Variants in PARD3 observed in about 807,000 individuals in gnomAD.
PARD3 encodes par-3 family cell polarity regulator.
Under a neutral mutation model 155.4 loss-of-function variants are expected in PARD3, and 75 were observed. The ratio of observed to expected loss-of-function variants is 0.48; its 90% confidence interval spans 0.40 to 0.58. The LOEUF (loss-of-function observed/expected upper bound fraction) is 0.58, where lower values mean the gene tolerates loss of function less well. Among genes scored for constraint, PARD3 ranks in the 20% least tolerant of loss-of-function variants. The pLI, the probability that PARD3 is intolerant of heterozygous loss-of-function variation, is 0.00. For synonymous variants in PARD3, 576 were observed against 610.5 expected (o/e 0.94, Z 0.83); for missense variants, 1,642 against 1,721.7 (o/e 0.95, Z 0.82).
intron 22 of PARD3, among the ~76,000 whole-genome samples, chr10:34,189,721 C>G (rs957607332): frequency 6.6e-6 from 1 of 152,194 alleles, no homozygotes; most frequent in Non-Finnish European, 1.5e-5. Context: ...GAACTAGCCA[C>G]CTGCTTCACA....
chr10:34,113,376 T>C (rs1946491793), intron 24 of PARD3, among the ~76,000 whole-genome samples: 1 of 152,076 alleles, frequency 6.6e-6, no homozygotes, highest in South Asian at 2.1e-4. Context: ...ATTACAACAA[T>C]GTGGGAGAAC....
intron 2 of PARD3, among the ~76,000 whole-genome samples, chr10:34,658,041 G>T (rs892491869): frequency 2.0e-5 from 3 of 151,796 alleles, no homozygotes; most frequent in Non-Finnish European, 4.4e-5. Context: ...AGCTACTTGG[G>T]AGGCTGAGGC....
At chr10:34,680,357 G>A (rs576546544) in intron 2 of PARD3, among the ~76,000 whole-genome samples, 2 of 152,092 alleles carry the variant, frequency 1.3e-5, no homozygotes, top group African/African-American at 2.4e-5. Context: ...TCAGGAGTTC[G>A]AGACCAGCCT....
intron 2 of PARD3, among the ~76,000 whole-genome samples, chr10:34,591,338 C>T (rs2088657227): frequency 6.6e-6 from 1 of 152,112 alleles, no homozygotes; most frequent in African/African-American, 2.4e-5. Context: ...TTTTCTATTA[C>T]ATTTAAGTGG....
chr10:34,179,178 A>G (rs55845180), intron 22 of PARD3, among the ~76,000 whole-genome samples: 5,371 of 150,946 alleles, frequency 0.036, 292 homozygotes, highest in East Asian at 0.21. Context: ...GCACACACAC[A>G]CACACACACA....
At chr10:34,537,105 C>T (rs1045334582) in intron 2 of PARD3, among the ~76,000 whole-genome samples, 4 of 152,184 alleles carry the variant, frequency 2.6e-5, no homozygotes, top group Admixed American at 6.5e-5. Flanking sequence ...TGGACTCAAA[C>T]GATCCTCTCA....
At chr10:34,316,972 C>T in intron 20 of PARD3, 135 bp downstream of exon 20, 2 of 640,926 alleles carry the variant, frequency 3.1e-6, no homozygotes, top group Non-Finnish European at 4.9e-6. Context: ...TGGGCTCCAG[C>T]ATTCCTCCCA....
chr10:34,423,708 T>C (rs1763822062), intron 5 of PARD3, among the ~76,000 whole-genome samples: 1 of 152,150 alleles, frequency 6.6e-6, no homozygotes, highest in Non-Finnish European at 1.5e-5. Context: ...CAACTGAATT[T>C]GGGCATGTTT....
chr10:34,243,209 G>A (rs763298127), intron 22 of PARD3, among the ~76,000 whole-genome samples: 2 of 151,892 alleles, frequency 1.3e-5, no homozygotes, highest in African/African-American at 2.4e-5. Flanking sequence ...TTAATGTTAC[G>A]GTGGTTCACG....
At chr10:34,355,940 AAAAAAACAAAACAAAACCAAAC>A (rs1564622487) in intron 14 of PARD3, among the ~76,000 whole-genome samples, 7 of 117,030 alleles carry the variant, frequency 6.0e-5, no homozygotes, top group African/African-American at 1.7e-4. Flanking sequence ...AAAAAAAAAA[AAAAAAACAAAACAAAACCAAAC>A]AAAAAAACAG....
chr10:34,479,160 A>ATTTT (rs571846177), intron 3 of PARD3, among the ~76,000 whole-genome samples: 4 of 131,806 alleles, frequency 3.0e-5, no homozygotes, highest in Admixed American at 7.7e-5. Context: ...CTCAAATTTA[A>ATTTT]TTTTTTTTTT....
At chr10:34,119,422 T>C (rs962085511) in intron 24 of PARD3, among the ~76,000 whole-genome samples, 191 bp downstream of exon 24, 1 of 152,176 alleles carries the variant, frequency 6.6e-6, no homozygotes, top group Non-Finnish European at 1.5e-5. Context: ...CAATGGGCAT[T>C]TCCCCTGGCC....
At chr10:34,286,466 G>A (rs1462407819) in intron 20 of PARD3, among the ~76,000 whole-genome samples, 3 of 152,204 alleles carry the variant, frequency 2.0e-5, no homozygotes, top group Admixed American at 1.3e-4. Context: ...CTCCTAAGTC[G>A]ACATGTGAGC....
At chr10:34,581,787 C>A (rs1312340261) in intron 2 of PARD3, among the ~76,000 whole-genome samples, 1 of 152,134 alleles carries the variant, frequency 6.6e-6, no homozygotes. Context: ...CTGTGAGAGG[C>A]AGTCTGGGAA....
chr10:34,612,116 G>T lies in PARD3; in HGVS notation c.222+84202C>A, dbSNP rs1028997670. Reference sequence around the variant, plus strand: ...GCTCGGATTACAGGCGTGAGCCACCGTGCCCAGCTGTGATACATTTCTAAT... The same window carrying T: ...GCTCGGATTACAGGCGTGAGCCACCTTGCCCAGCTGTGATACATTTCTAAT... On this transcript the variant is annotated intron_variant, in intron 2 of 24. Coordinates refer to ENST00000374788, the MANE Select transcript of PARD3 (RefSeq NM_001184785.2). Among the ~76,000 whole-genome samples the T allele has an allele frequency of 1.3e-5, 2 of 151,970 alleles. 1 individual carries two copies. Among genetic ancestry groups the T allele is most frequent in the Non-Finnish European group, 2.9e-5 (2 of 67,994 alleles).
intron 20 of PARD3, among the ~76,000 whole-genome samples, chr10:34,307,314 G>A (rs1472859670): frequency 6.6e-6 from 1 of 152,164 alleles, no homozygotes. Context: ...AAGTGGAGAT[G>A]CCACAGTGGG....
intron 1 of PARD3, among the ~76,000 whole-genome samples, chr10:34,761,609 ATTTC>A (rs1262294733): frequency 2.0e-5 from 3 of 152,214 alleles, no homozygotes; most frequent in Admixed American, 2.0e-4. Flanking sequence ...ATAATGGCCT[ATTTC>A]TTCTACTAAC....
intron 22 of PARD3, among the ~76,000 whole-genome samples, chr10:34,151,806 C>A (rs1948794036): frequency 1.3e-5 from 2 of 152,080 alleles, no homozygotes; most frequent in Non-Finnish European, 2.9e-5. Context: ...GATATGGCAA[C>A]AATGGATCAC....
intron 3 of PARD3, among the ~76,000 whole-genome samples, chr10:34,496,578 G>C (rs1589780331): frequency 6.6e-6 from 1 of 152,126 alleles, no homozygotes; most frequent in African/African-American, 2.4e-5. Context: ...AAGAAACACC[G>C]AGGTTATAGA....
Sources: gnomAD v4.1 joint callset for allele counts (sites outside exome capture counted in the v4.1 genomes callset) on GRCh38, gnomAD v4.1.1 for gene constraint, MANE v1.5 for transcripts, NCBI Gene and HGNC (gene_info 2026-07-23, HGNC 2026-07-21) for gene names.